THSD7A: variants seen among roughly 807,000 people sequenced by gnomAD.
THSD7A encodes the protein thrombospondin type-1 domain-containing protein 7A.
A neutral mutation model predicts 231.3 loss-of-function variants in THSD7A; 96 were observed. That is an observed-to-expected ratio of 0.41 (90% confidence interval 0.35 to 0.49). The LOEUF is 0.49. Among genes scored for constraint, THSD7A ranks in the 20% least tolerant of loss-of-function variants. The probability of loss-of-function intolerance (pLI) is 0.05; values close to 1 mark genes in which losing one functional copy is unlikely to be tolerated. For missense variants in THSD7A, 2,290 were observed against 2,070.2 expected (o/e 1.11, Z -2.06); for synonymous variants, 940 against 743.3 (o/e 1.26, Z -4.30).
In THSD7A at chr7:11,637,225, G is replaced by T. The variant is rs974900515; in HGVS notation, c.191-264C>A. ...TAGGGATTACGAAAAGTTTGGTTTT[G>T]TTCATTTCCTTTGTTTTAGGTAGTT... On this transcript the variant is annotated intron_variant, in intron 1 of 27. Transcript: ENST00000423059. This position sits in a 1 kb window ranked among gnomAD's most constrained non-coding sequence, Gnocchi z 4.2. Among the ~76,000 whole-genome samples, 11 of 152,110 alleles carry T rather than the reference G, an allele frequency of 7.2e-5. No individual in the cohort carries two copies. The highest frequency in any genetic ancestry group is 7.2e-4 in the Admixed American group (11 of 15,274).
At chr7:11,402,966 T>C (rs757910580) in intron 22 of THSD7A, among the ~76,000 whole-genome samples, 11 of 152,226 alleles carry the variant, frequency 7.2e-5, no homozygotes, top group Admixed American at 4.6e-4. Flanking sequence ...GTTGGGTATG[T>C]ACCTAGGAGT....
At chr7:11,484,038 T>C (rs1329365630) in intron 6 of THSD7A, among the ~76,000 whole-genome samples, 2 of 150,254 alleles carry the variant, frequency 1.3e-5, no homozygotes, top group African/African-American at 4.9e-5. Flanking sequence ...CCAGTTTGTG[T>C]CCCATATCTT....
In THSD7A at chr7:11,699,303, A is replaced by G. The variant is rs180793081; in HGVS notation, c.191-62342T>C. Among the ~76,000 whole-genome samples the G allele has an allele frequency of 7.1e-4, 107 of 151,368 alleles. 1 individual carries two copies. The highest frequency in any genetic ancestry group is 1.3e-3 in the Non-Finnish European group (86 of 67,530). On this transcript the variant is annotated intron_variant, in intron 1 of 27. Transcript: ENST00000423059. ...AATGTATTTTAAAGTAAAATTTAAGACCCTATTGTCCTAGAATTGCTCCAA... is the reference window on the plus strand; with the variant it reads ...AATGTATTTTAAAGTAAAATTTAAGGCCCTATTGTCCTAGAATTGCTCCAA...
intron 1 of THSD7A, among the ~76,000 whole-genome samples, chr7:11,811,395 T>G (rs1359922407): frequency 6.6e-6 from 1 of 152,220 alleles, no homozygotes; most frequent in Non-Finnish European, 1.5e-5. Flanking sequence ...GCTAGTTTTC[T>G]TCCTCCTCAA....
intron 6 of THSD7A, among the ~76,000 whole-genome samples, chr7:11,502,274 C>T (rs1376831061): frequency 6.6e-6 from 1 of 152,142 alleles, no homozygotes; most frequent in Non-Finnish European, 1.5e-5. Context: ...GGACTTCTCC[C>T]TAACTCATTC....
At chr7:11,491,888 G>T (rs1048869337) in intron 6 of THSD7A, among the ~76,000 whole-genome samples, 1 of 152,026 alleles carries the variant, frequency 6.6e-6, no homozygotes, top group Non-Finnish European at 1.5e-5. Context: ...TTTTGGGTGA[G>T]CCCTTTGAGT....
intron 6 of THSD7A, 79 bp from the exon 7 acceptor site, chr7:11,482,061 G>T (rs1345763762): frequency 8.6e-6 from 12 of 1,394,960 alleles, no homozygotes; most frequent in Non-Finnish European, 1.2e-5. Context: ...TGGGCACCCA[G>T]ATAAGTTACA....
intron 9 of THSD7A, among the ~76,000 whole-genome samples, chr7:11,466,222 C>T (rs1028383187): frequency 1.7e-4 from 26 of 152,028 alleles, no homozygotes; most frequent in African/African-American, 6.0e-4. Flanking sequence ...AAAGAACCAC[C>T]CCAACTTTGA....
Position 11,703,031 on chromosome 7 carries a change from G to A in THSD7A, c.191-66070C>T, listed in dbSNP as rs189275403. ...AAACTCTTTTAAACAACTCTCTGAGGCAACATGCTCAAAGCTAAGTGGCTC... is the reference window on the plus strand; with the variant it reads ...AAACTCTTTTAAACAACTCTCTGAGACAACATGCTCAAAGCTAAGTGGCTC... On this transcript the variant is annotated intron_variant, in intron 1 of 27. Transcript: ENST00000423059. 6.4e-4 allele frequency among the ~76,000 whole-genome samples: 97 copies of A among 151,220 alleles called. 1 individual carries two copies. Among genetic ancestry groups the A allele is most frequent in the Admixed American group, 3.4e-3 (52 of 15,148 alleles).
chr7:11,648,265 G>T (rs973547555), intron 1 of THSD7A, among the ~76,000 whole-genome samples: 1 of 152,144 alleles, frequency 6.6e-6, no homozygotes, highest in African/African-American at 2.4e-5. Flanking sequence ...TGTTGCAGCT[G>T]TCCATTTGCA....
chr7:11,646,999 A>G (rs1782308827), intron 1 of THSD7A, among the ~76,000 whole-genome samples: 1 of 152,012 alleles, frequency 6.6e-6, no homozygotes, highest in Non-Finnish European at 1.5e-5. Flanking sequence ...TTCTGAGGAG[A>G]TTTATGAAAT....
chr7:11,669,405 C>T (rs1199931871), intron 1 of THSD7A, among the ~76,000 whole-genome samples: 1 of 151,694 alleles, frequency 6.6e-6, no homozygotes, highest in Non-Finnish European at 1.5e-5. Context: ...GAATAAGATG[C>T]TTGGCTTGTT....
chr7:11,817,784 CAG>C (rs906589216), intron 1 of THSD7A, among the ~76,000 whole-genome samples: 29 of 152,242 alleles, frequency 1.9e-4, no homozygotes, highest in Admixed American at 1.4e-3. Flanking sequence ...AAATAAAAGA[CAG>C]AGATTAGAAA....
rs189532596 is a variant in THSD7A at position 11,829,432 on chromosome 7, C to G, written c.190+2325G>C. Among the ~76,000 whole-genome samples the G allele has an allele frequency of 1.7e-3, 255 of 152,182 alleles. 2 individuals carry two copies. Among genetic ancestry groups the G allele is most frequent in the African/African-American group, 5.9e-3 (245 of 41,536 alleles). ...AGCCAAGAACCAAAGTCATTAATGA[C>G]TTTACCAAAGTTCTACAGCATGTTA... On this transcript the variant is annotated intron_variant, in intron 1 of 27. Coordinates refer to ENST00000423059, the MANE Select transcript of THSD7A (RefSeq NM_015204.3).
At chr7:11,480,201 G>C (rs1358489494) in intron 7 of THSD7A, among the ~76,000 whole-genome samples, 2 of 152,142 alleles carry the variant, frequency 1.3e-5, no homozygotes, top group Non-Finnish European at 2.9e-5. Flanking sequence ...AAACTCAGTG[G>C]ATGATACATA....
intron 4 of THSD7A, among the ~76,000 whole-genome samples, chr7:11,586,516 A>T (rs75888318): frequency 0.024 from 3,695 of 152,276 alleles, 154 homozygotes; most frequent in African/African-American, 0.084. Context: ...TTATTTCAAA[A>T]GTGAGGAACA....
intron 1 of THSD7A, among the ~76,000 whole-genome samples, chr7:11,715,552 T>C (rs1781108734): frequency 6.6e-6 from 1 of 151,430 alleles, no homozygotes; most frequent in Non-Finnish European, 1.5e-5. Context: ...TTTCTTTCCT[T>C]CTTTCTGTCT....
chr7:11,741,322 G>C (rs1465868416), intron 1 of THSD7A, among the ~76,000 whole-genome samples: 2 of 151,784 alleles, frequency 1.3e-5, no homozygotes, highest in Non-Finnish European at 2.9e-5. Flanking sequence ...GATCCAAAGG[G>C]GAAAACATTT....
chr7:11,687,368 G>T (rs1780090618), intron 1 of THSD7A, among the ~76,000 whole-genome samples: 2 of 151,894 alleles, frequency 1.3e-5, no homozygotes, highest in Non-Finnish European at 2.9e-5. Context: ...AGAGATACTG[G>T]TTTATGTCAT....
Sources: gnomAD v4.1 joint callset for allele counts (sites outside exome capture counted in the v4.1 genomes callset) on GRCh38, gnomAD v4.1.1 for gene constraint, Gnocchi (gnomAD v3.1) non-coding constraint, MANE v1.5 for transcripts, NCBI Gene and HGNC (gene_info 2026-07-23, HGNC 2026-07-21) for gene names.